Variants in PLA2G4A observed in about 807,000 individuals in gnomAD.
The protein encoded by PLA2G4A is cytosolic phospholipase A2.
PLA2G4A carries 40 observed loss-of-function variants against 81.9 expected under a neutral mutation model. The ratio of observed to expected loss-of-function variants is 0.49; its 90% CI spans 0.38 to 0.64. PLA2G4A has a LOEUF of 0.64. PLA2G4A is among the 30% of genes least tolerant of loss of function. The pLI is 0.00. For missense variants in PLA2G4A, 715 were observed against 905.1 expected, an observed-to-expected ratio of 0.79 and a Z score of 2.69; for synonymous variants, 302 against 296.9, an observed-to-expected ratio of 1.02 and a Z score of -0.18.
At chr1:186,837,948 C>T (rs1651848418) in intron 1 of PLA2G4A, among the ~76,000 whole-genome samples, 1 of 151,780 alleles carries the variant, frequency 6.6e-6, no homozygotes, top group South Asian at 2.1e-4. Flanking sequence ...AGTGCACCTG[C>T]AGGGAAATAC....
intron 6 of PLA2G4A, among the ~76,000 whole-genome samples, chr1:186,908,202 AG>A (rs1398944826): frequency 6.6e-6 from 1 of 152,116 alleles, no homozygotes; most frequent in East Asian, 1.9e-4. Context: ...AATGCATAAA[AG>A]TAAATTAACC....
At chr1:186,932,682 T>C (rs1655793627) in intron 7 of PLA2G4A, 81 bp from the exon 8 acceptor site, 7 of 1,339,820 alleles carry the variant, frequency 5.2e-6, no homozygotes, top group Non-Finnish European at 6.5e-6. Flanking sequence ...ATGGGATGTA[T>C]AACATAAAGA....
At chr1:186,918,766 A>G (rs1339710531) in intron 7 of PLA2G4A, among the ~76,000 whole-genome samples, 1 of 152,226 alleles carries the variant, frequency 6.6e-6, no homozygotes, top group Non-Finnish European at 1.5e-5. Flanking sequence ...TTCAATAGTT[A>G]TGTGGGGATT....
intron 1 of PLA2G4A, among the ~76,000 whole-genome samples, chr1:186,851,617 C>T (rs1334524150): frequency 6.6e-6 from 1 of 151,838 alleles, no homozygotes; most frequent in Non-Finnish European, 1.5e-5. Flanking sequence ...ATAGAAATAG[C>T]ACAGAAAATG....
intron 7 of PLA2G4A, among the ~76,000 whole-genome samples, chr1:186,917,611 G>A (rs935620530): frequency 2.6e-5 from 4 of 152,092 alleles, no homozygotes; most frequent in Non-Finnish European, 5.9e-5. Flanking sequence ...CACAAATGCC[G>A]GCCCGTTATC....
At chr1:186,981,026 A>G (rs1174334611) in intron 17 of PLA2G4A, among the ~76,000 whole-genome samples, 1 of 152,180 alleles carries the variant, frequency 6.6e-6, no homozygotes, top group Non-Finnish European at 1.5e-5. Flanking sequence ...AAGAGAAAAA[A>G]TGATTAATCT....
chr1:186,844,204 G>A (rs1051949803), intron 1 of PLA2G4A, among the ~76,000 whole-genome samples: 1 of 152,140 alleles, frequency 6.6e-6, no homozygotes, highest in African/African-American at 2.4e-5. Context: ...TGAGAGTATG[G>A]TTTGAGAGAC....
intron 6 of PLA2G4A, among the ~76,000 whole-genome samples, chr1:186,908,258 A>G (rs1171894777): frequency 6.6e-6 from 1 of 151,974 alleles, no homozygotes; most frequent in Non-Finnish European, 1.5e-5. Context: ...AATTTTTTGA[A>G]TTTTCATCCA....
At chr1:186,957,238 T>G (rs1334718667) in intron 14 of PLA2G4A, among the ~76,000 whole-genome samples, 1 of 152,240 alleles carries the variant, frequency 6.6e-6, no homozygotes, top group Admixed American at 6.5e-5. Context: ...ATTTGGAAAC[T>G]ATTTCCTATT....
chr1:186,920,729 C>T (rs1211909874), intron 7 of PLA2G4A, among the ~76,000 whole-genome samples: 1 of 152,240 alleles, frequency 6.6e-6, no homozygotes, highest in East Asian at 1.9e-4. Flanking sequence ...CCCTTTTCCT[C>T]TCCTTTCAGG....
At chr1:186,947,471 A>G (rs1265682680) in intron 12 of PLA2G4A, among the ~76,000 whole-genome samples, 1 of 152,196 alleles carries the variant, frequency 6.6e-6, no homozygotes, top group Non-Finnish European at 1.5e-5. Context: ...TTTTCATTAA[A>G]TCTAACCTAT....
At chr1:186,975,566 A>C (rs1177354902) in intron 15 of PLA2G4A, among the ~76,000 whole-genome samples, 4 of 152,338 alleles carry the variant, frequency 2.6e-5, no homozygotes, top group African/African-American at 9.6e-5. Context: ...GAGAAAGGCG[A>C]TGGTATTAGC....
chr1:186,967,779 A>G (rs1238333933), intron 15 of PLA2G4A, among the ~76,000 whole-genome samples: 1 of 152,134 alleles, frequency 6.6e-6, no homozygotes, highest in Non-Finnish European at 1.5e-5. Flanking sequence ...AGTGACAGAT[A>G]TTCAGCTCCC....
chr1:186,948,607 T>G (rs921537740), intron 12 of PLA2G4A, among the ~76,000 whole-genome samples: 2 of 152,052 alleles, frequency 1.3e-5, no homozygotes, highest in African/African-American at 4.8e-5. Context: ...AACCCAGGGT[T>G]TGCTGTTTTT....
At chr1:186,929,960 G>T (rs1186890516) in intron 7 of PLA2G4A, among the ~76,000 whole-genome samples, 1 of 152,124 alleles carries the variant, frequency 6.6e-6, no homozygotes, top group Non-Finnish European at 1.5e-5. Flanking sequence ...GGGAGGCCAA[G>T]GTGGGTGGAT....
intron 1 of PLA2G4A, among the ~76,000 whole-genome samples, chr1:186,845,744 TC>T (rs1652148221): frequency 6.6e-6 from 1 of 152,190 alleles, no homozygotes; most frequent in African/African-American, 2.4e-5. Context: ...TGTTCACTTT[TC>T]CTGAGAAGTC....
intron 1 of PLA2G4A, among the ~76,000 whole-genome samples, chr1:186,851,551 G>T (rs139342129): frequency 2.0e-5 from 3 of 151,926 alleles, no homozygotes; most frequent in Non-Finnish European, 4.4e-5. Flanking sequence ...TAGTTGGCAC[G>T]AAAACATCAG....
At chr1:186,895,912 G>A (rs540965862) in intron 5 of PLA2G4A, among the ~76,000 whole-genome samples, 1 of 151,906 alleles carries the variant, frequency 6.6e-6, no homozygotes, top group Non-Finnish European at 1.5e-5. Flanking sequence ...TCTGTAAAAT[G>A]GAAATAATAT....
At chr1:186,961,579 A>C (rs1243906624) in intron 14 of PLA2G4A, among the ~76,000 whole-genome samples, 2 of 152,156 alleles carry the variant, frequency 1.3e-5, no homozygotes, top group Admixed American at 1.3e-4. Flanking sequence ...CTACAGACTA[A>C]AGCTGGGAAT....
Sources: allele counts gnomAD v4.1 joint callset (sites outside exome capture counted in the v4.1 genomes callset), GRCh38; gene constraint gnomAD v4.1.1; transcripts MANE v1.5; gene names NCBI Gene and HGNC (gene_info 2026-07-23, HGNC 2026-07-21).